CCDC88A: variants seen among roughly 807,000 people sequenced by gnomAD.
CCDC88A encodes girdin.
In CCDC88A, 54 loss-of-function variants were observed where a neutral mutation model predicts 234.3. That is an observed-to-expected ratio of 0.23 (90% CI 0.19 to 0.29). The LOEUF (loss-of-function observed/expected upper bound fraction) is 0.29, where lower values mean the gene tolerates loss of function less well. CCDC88A is among the 10% of genes least tolerant of loss of function. The pLI is 1.00. For synonymous variants in CCDC88A, 753 were observed against 737.8 expected, an observed-to-expected ratio of 1.02 and a Z score of -0.33; for missense variants, 1,832 against 2,123.4, an observed-to-expected ratio of 0.86 and a Z score of 2.70.
Position 55,372,527 on chromosome 2 carries a change from T to C in CCDC88A, c.344-17A>G, listed in dbSNP as rs766651670. The C allele has an allele frequency of 8.4e-7, 1 of 1,195,096 alleles. No homozygotes were observed. Among genetic ancestry groups the C allele is most frequent in the Non-Finnish European group, 1.2e-6 (1 of 812,800 alleles). The allele number at this position is 1,195,096 out of a possible 1,614,324, so 74.0% of individuals were successfully genotyped here. On this transcript the variant is annotated splice_polypyrimidine_tract_variant and intron_variant, in intron 4 of 32. Transcript: ENST00000436346. ...TGCCTTGTTCTAAAATAGAAACAAT[T>C]ATTAAGGACAACATTCTGCTATATT...
Position 55,355,669 on chromosome 2 carries a change from G to T in CCDC88A, c.710C>A (p.Ser237Tyr). The T allele has an allele frequency of 6.2e-7, 1 of 1,613,986 alleles. No individual in the cohort carries two copies. The highest frequency in any genetic ancestry group is 2.2e-5 in the East Asian group (1 of 44,864). ...ASSSAQSPCG[S>Y]PGMKRTESRQ... Reference sequence around the variant, plus strand: ...ACTTTCTGTTCGCTTCATGCCTGGAGAACCACAGGGTGACTGTGCAGATGA... The same window carrying T: ...ACTTTCTGTTCGCTTCATGCCTGGATAACCACAGGGTGACTGTGCAGATGA... The change falls in exon 8 of 33, where the codon TCT becomes TAT. Residue 237 changes from serine to tyrosine, a missense_variant. Transcript: ENST00000436346.
At position 55,291,706 on chromosome 2, in the gene CCDC88A, T is replaced by A. The variant is rs746853482; in HGVS notation, c.*5A>T. On this transcript the variant is annotated 3_prime_UTR_variant, in exon 32 of 33. Transcript: ENST00000436346. ...GGCCCACATGTCATGTAGTGGGTAA[T>A]AGAATTAGGAGCTTTGTTGCTCCCT... The A allele has an allele frequency of 6.3e-7, 1 of 1,597,758 alleles. No individual in the cohort carries two copies. Among genetic ancestry groups the A allele is most frequent in the Middle Eastern group, 1.7e-4 (1 of 6,024 alleles).
In CCDC88A at chr2:55,308,967, A is replaced by G; in HGVS notation, c.4229T>C (p.Ile1410Thr). 2 of 1,614,058 alleles carry G rather than the reference A, an allele frequency of 1.2e-6. No homozygotes were observed. Among genetic ancestry groups the G allele is most frequent in the Non-Finnish European group, 1.7e-6 (2 of 1,179,942 alleles). The change falls in exon 25 of 33, where the codon ATT becomes ACT. Residue 1410 changes from isoleucine (I) to threonine (T), a missense_variant. By Grantham distance (89) the Ile-to-Thr change is moderately conservative (BLOSUM62 -1). Transcript: ENST00000436346. ...TAGAGATTTCTGGCGTTCCCGATTA[A>G]TATCTTTCTTAGACTTTATCAATTT... ...MRKLIKSKKD[I>T]NRERQKSLTL...
In CCDC88A at chr2:55,347,606, C is replaced by CTTTT. The variant is rs547733323; in HGVS notation, c.883-1277_883-1274dup. The stretch of plus-strand genomic sequence containing the variant: ...ATACCTATGTTATCTATTCATCTAC[C>CTTTT]TTTTTTTTTTTTTTTTTTTTGAGAC... On this transcript the variant is annotated intron_variant, in intron 9 of 32. Coordinates refer to ENST00000436346, the MANE Select transcript of CCDC88A (RefSeq NM_001365480.1). Among the ~76,000 whole-genome samples, 6 of 102,148 alleles carry CTTTT rather than the reference C, an allele frequency of 5.9e-5. 1 individual carries two copies. Among genetic ancestry groups the CTTTT allele is most frequent in the East Asian group, 4.8e-4 (1 of 2,084 alleles). The allele number at this position is 102,148 out of a possible 152,430, so 67.0% of individuals were successfully genotyped here.
chr2:55,337,302 C>T (rs1487870215), intron 13 of CCDC88A: 3 of 152,012 alleles, frequency 2.0e-5, no homozygotes, highest in African/African-American at 7.2e-5. Flanking sequence ...GAGAAAAATA[C>T]TACCATAAAA....
intron 32 of CCDC88A, 164 bp downstream of exon 32, chr2:55,291,512 G>A: frequency 2.5e-6 from 1 of 398,078 alleles, no homozygotes; most frequent in Admixed American, 4.4e-5. Flanking sequence ...AAAAACCTAT[G>A]GCAGCCAACT....
intron 31 of CCDC88A, among the ~76,000 whole-genome samples, chr2:55,293,399 T>C (rs535697735): frequency 6.6e-6 from 1 of 152,002 alleles, no homozygotes; most frequent in African/African-American, 2.4e-5. Context: ...GGGAAGTAAC[T>C]GACAATAAAA....
chr2:55,417,154 T>C (rs1432610919), intron 2 of CCDC88A: 1 of 152,100 alleles, frequency 6.6e-6, no homozygotes, highest in Non-Finnish European at 1.5e-5. Flanking sequence ...TTAACGTATT[T>C]GTTTTTAGCA....
chr2:55,326,822 C>T (rs6758229), intron 17 of CCDC88A, among the ~76,000 whole-genome samples: 10,669 of 152,238 alleles, frequency 0.07, 1,195 homozygotes, highest in African/African-American at 0.23. Flanking sequence ...CTGCCTGCCT[C>T]GGCCTCCCAA....
At chr2:55,411,765 G>GT (rs1680514855) in intron 2 of CCDC88A, among the ~76,000 whole-genome samples, 1 of 100,424 alleles carries the variant, frequency 1.0e-5, no homozygotes, top group Non-Finnish European at 1.8e-5. Flanking sequence ...AGACGACAGA[G>GT]TAAGACTCCG....
chr2:55,298,288 G>A (rs1265028839), intron 29 of CCDC88A, among the ~76,000 whole-genome samples: 5 of 149,952 alleles, frequency 3.3e-5, no homozygotes, highest in African/African-American at 4.9e-5. Context: ...TTTCAAATCA[G>A]AAAAAAAAAA....
intron 2 of CCDC88A, among the ~76,000 whole-genome samples, chr2:55,391,194 G>C (rs1239074660): frequency 6.6e-6 from 1 of 152,140 alleles, no homozygotes; most frequent in Non-Finnish European, 1.5e-5. Flanking sequence ...GACCGCAGAA[G>C]AGTCATGTGT....
rs1338662854 is a variant in CCDC88A at position 55,289,131 on chromosome 2, C to T, written c.*2069G>A. ...ATTTTCTGCTTGAAGCACTAATGCA[C>T]TTAACCCAGCATGTTCTGTATTTTA... On this transcript the variant is annotated 3_prime_UTR_variant, in exon 33 of 33. Transcript: ENST00000436346. 1 of 152,630 alleles carries T rather than the reference C, an allele frequency of 6.6e-6. No homozygotes were observed. Among genetic ancestry groups the T allele is most frequent in the East Asian group, 1.9e-4 (1 of 5,200 alleles). The allele number at this position is 152,630 out of a possible 1,614,324, so 9.5% of individuals were successfully genotyped here.
At chr2:55,349,953 G>A (rs1447255005) in intron 8 of CCDC88A, 2 of 160,914 alleles carry the variant, frequency 1.2e-5, no homozygotes, top group African/African-American at 4.8e-5. Context: ...TTTTGAGACG[G>A]AGTCTGGCTC....
chr2:55,365,056 A>AT (rs1297876277), intron 5 of CCDC88A, among the ~76,000 whole-genome samples: 1 of 152,134 alleles, frequency 6.6e-6, no homozygotes, highest in African/African-American at 2.4e-5. Flanking sequence ...GTAATGCTAT[A>AT]TTTTCTACTA....
intron 3 of CCDC88A, among the ~76,000 whole-genome samples, chr2:55,378,066 C>T (rs563858166): frequency 6.6e-6 from 1 of 152,306 alleles, no homozygotes; most frequent in Admixed American, 6.5e-5. Flanking sequence ...ACTAGTTTTA[C>T]TGACTTACTA....
At chr2:55,387,147 A>C (rs1282846825) in intron 3 of CCDC88A, among the ~76,000 whole-genome samples, 1 of 131,844 alleles carries the variant, frequency 7.6e-6, no homozygotes, top group Non-Finnish European at 1.6e-5. Flanking sequence ...ACTGCATTCC[A>C]GCCAGGGCAA....
At chr2:55,292,286 C>A (rs1679520328) in intron 31 of CCDC88A, 1 of 152,136 alleles carries the variant, frequency 6.6e-6, no homozygotes, top group South Asian at 2.1e-4. Flanking sequence ...GAAAGCTATC[C>A]AGCTTCATCA....
Position 55,332,448 on chromosome 2 carries a change from G to C in CCDC88A, c.2855+118C>G. On this transcript the variant is annotated intron_variant, in intron 16 of 32. Coordinates refer to ENST00000436346, the MANE Select transcript of CCDC88A (RefSeq NM_001365480.1). The surrounding 1 kb of genome is among the most constrained non-coding windows in gnomAD (Gnocchi z 4.5). ...CAGAACTTTCCTTAAGGGAAGGAAG[G>C]AACCAGAAATAGGGTGAAATATATA... 2.9e-6 allele frequency: 4 copies of C among 1,400,036 alleles called. No homozygotes were observed. The highest frequency in any genetic ancestry group is 3.7e-6 in the Non-Finnish European group (4 of 1,078,298). 86.7% of individuals were successfully genotyped at this position (1,400,036 alleles called of 1,614,324 possible).
Sources: gnomAD v4.1 joint callset for allele counts (sites outside exome capture counted in the v4.1 genomes callset) on GRCh38, gnomAD v4.1.1 for gene constraint, Gnocchi (gnomAD v3.1) non-coding constraint, MANE v1.5 for transcripts, NCBI Gene and HGNC (gene_info 2026-07-23, HGNC 2026-07-21) for gene names.